Variants in RBPJ observed in about 807,000 individuals in gnomAD.
RBPJ encodes recombination signal binding protein for immunoglobulin kappa J region, also known as recombining binding protein suppressor of hairless.
Under a neutral mutation model 67.8 loss-of-function variants are expected in RBPJ, and 9 were observed. That is an observed-to-expected ratio of 0.13 (90% confidence interval 0.08 to 0.23). RBPJ has a LOEUF of 0.23. Among genes scored for constraint, RBPJ ranks in the 10% least tolerant of loss-of-function variants. The pLI is 1.00. For missense variants in RBPJ, 305 were observed against 595.6 expected (o/e 0.51, Z 5.08); for synonymous variants, 198 against 203.3 (o/e 0.97, Z 0.22).
intron 1 of RBPJ, among the ~76,000 whole-genome samples, chr4:26,244,482 T>C (rs1435780212): frequency 7.0e-6 from 1 of 142,830 alleles, no homozygotes; most frequent in Non-Finnish European, 1.5e-5. Flanking sequence ...TACATATGTG[T>C]GTATACATAT....
intron 1 of RBPJ, among the ~76,000 whole-genome samples, chr4:26,286,934 G>A (rs1721486817): frequency 6.6e-6 from 1 of 151,970 alleles, no homozygotes; most frequent in African/African-American, 2.4e-5. Flanking sequence ...TCACGGGGAT[G>A]CACCACCACG....
At chr4:26,184,683 G>A (rs1418827405) in intron 1 of RBPJ, among the ~76,000 whole-genome samples, 1 of 152,128 alleles carries the variant, frequency 6.6e-6, no homozygotes, top group Admixed American at 6.5e-5. Flanking sequence ...TAACAGATTG[G>A]AGTGGGAGGC....
Position 26,279,210 on chromosome 4 carries a change from A to C in RBPJ, c.-166-83236A>C, listed in dbSNP as rs146737201. Among the ~76,000 whole-genome samples, 125 of 152,318 alleles carry C rather than the reference A, an allele frequency of 8.2e-4. 2 individuals carry two copies. The East Asian group carries it at 0.022, about 27-fold the overall frequency. ...ACCAGTAAATTCAATCCAGTTGGGCAGAAGAGAGGATGATGCTGTGAGCCT... is the reference window on the plus strand; with the variant it reads ...ACCAGTAAATTCAATCCAGTTGGGCCGAAGAGAGGATGATGCTGTGAGCCT... On this transcript the variant is annotated intron_variant, in intron 1 of 4. Transcript: ENST00000512351.
intron 1 of RBPJ, among the ~76,000 whole-genome samples, chr4:26,246,718 CA>C (rs1719939152): frequency 6.6e-6 from 1 of 152,140 alleles, no homozygotes; most frequent in Non-Finnish European, 1.5e-5. Flanking sequence ...AAAGCAGTAA[CA>C]AATTCTTTTG....
intron 1 of RBPJ, among the ~76,000 whole-genome samples, chr4:26,354,116 A>C (rs1201541670): frequency 6.6e-6 from 1 of 151,184 alleles, no homozygotes; most frequent in Non-Finnish European, 1.5e-5. Context: ...ATTTTTTAGT[A>C]GAGACGGGGT....
intron 1 of RBPJ, chr4:26,362,759 G>T: frequency 1.4e-6 from 1 of 710,432 alleles, no homozygotes; most frequent in Non-Finnish European, 2.3e-6. Context: ...TATAACTTTT[G>T]ATTATAGATG....
At chr4:26,347,715 G>T (rs2725303) in intron 1 of RBPJ, among the ~76,000 whole-genome samples, 82,905 of 151,846 alleles carry the variant, frequency 0.55, 22,850 homozygotes, top group Admixed American at 0.64. Flanking sequence ...AGGCTCGATA[G>T]GTTTAGATGC....
upstream of RBPJ, among the ~76,000 whole-genome samples, chr4:26,319,495 C>T (rs1722805955): frequency 6.6e-6 from 1 of 151,894 alleles, no homozygotes; most frequent in South Asian, 2.1e-4. Flanking sequence ...CGCCGCCCGC[C>T]GCCCGCCTCC....
At chr4:26,372,532 C>T (rs1210611717) in intron 1 of RBPJ, among the ~76,000 whole-genome samples, 1 of 152,162 alleles carries the variant, frequency 6.6e-6, no homozygotes, top group African/African-American at 2.4e-5. Flanking sequence ...CATAGCATAG[C>T]AAAGTATCAA....
intron 4 of RBPJ, among the ~76,000 whole-genome samples, chr4:26,417,941 G>C (rs554965625): frequency 1.3e-5 from 2 of 152,324 alleles, no homozygotes; most frequent in East Asian, 3.9e-4. Flanking sequence ...TTGGCTGTAT[G>C]TAGGTAATAT....
chr4:26,120,435 C>T, the RBPJ span, among the ~76,000 whole-genome samples: 1 of 152,182 alleles, frequency 6.6e-6, no homozygotes, highest in Non-Finnish European at 1.5e-5. Context: ...TACCTGAAAT[C>T]GTTCTCTCGG....
chr4:26,343,302 T>C (rs1457783572), intron 1 of RBPJ: 1 of 152,226 alleles, frequency 6.6e-6, no homozygotes, highest in Non-Finnish European at 1.5e-5. Context: ...AAACATATTA[T>C]TTGGATATGT....
chr4:26,239,949 G>A (rs986275237), intron 1 of RBPJ, among the ~76,000 whole-genome samples: 3 of 152,010 alleles, frequency 2.0e-5, no homozygotes, highest in African/African-American at 4.8e-5. Flanking sequence ...TTCTTGTAAA[G>A]GATGTTTTAT....
At chr4:26,290,334 A>C (rs1577393845) in intron 1 of RBPJ, among the ~76,000 whole-genome samples, 1 of 149,418 alleles carries the variant, frequency 6.7e-6, no homozygotes, top group Non-Finnish European at 1.5e-5. Context: ...AAAAAAAAAA[A>C]AAAGTAAAAA....
chr4:26,170,021 G>T (rs903959508), intron 1 of RBPJ, among the ~76,000 whole-genome samples: 10 of 152,074 alleles, frequency 6.6e-5, no homozygotes, highest in African/African-American at 1.9e-4. Context: ...GACCCCTTGC[G>T]CTTCCCAAGT....
intron 1 of RBPJ, among the ~76,000 whole-genome samples, chr4:26,216,636 C>T (rs918048480): frequency 3.3e-5 from 5 of 151,844 alleles, no homozygotes; most frequent in South Asian, 2.1e-4. Flanking sequence ...GGATTGAGGG[C>T]GAGCATAGTG....
At chr4:26,336,617 T>A (rs897173393) in intron 1 of RBPJ, among the ~76,000 whole-genome samples, 2 of 150,836 alleles carry the variant, frequency 1.3e-5, no homozygotes. Flanking sequence ...ACCACTGCAC[T>A]CTAGCATGGG....
chr4:26,240,529 C>A (rs1719600497), intron 1 of RBPJ, among the ~76,000 whole-genome samples: 1 of 152,162 alleles, frequency 6.6e-6, no homozygotes, highest in Non-Finnish European at 1.5e-5. Flanking sequence ...CCAAGCTATA[C>A]CCGTGCTGAA....
chr4:26,227,095 A>G (rs571733098), intron 1 of RBPJ, among the ~76,000 whole-genome samples: 1 of 152,360 alleles, frequency 6.6e-6, no homozygotes, highest in Non-Finnish European at 1.5e-5. Flanking sequence ...GCACAGCAAC[A>G]TTAGAAGGAT....
Sources: gnomAD v4.1 joint callset for allele counts (sites outside exome capture counted in the v4.1 genomes callset) on GRCh38, gnomAD v4.1.1 for gene constraint, MANE v1.5 for transcripts, NCBI Gene and HGNC (gene_info 2026-07-23, HGNC 2026-07-21) for gene names.